Variants in ST3GAL1 observed in about 807,000 individuals in gnomAD.
ST3GAL1 encodes the protein ST3 beta-galactoside alpha-2,3-sialyltransferase 1.
A neutral mutation model predicts 34.1 loss-of-function variants in ST3GAL1; 16 were observed. That is an observed-to-expected ratio of 0.47 (90% CI 0.32 to 0.71). The LOEUF is 0.71. Ranked by LOEUF, ST3GAL1 falls within the 30% of genes least tolerant of loss-of-function variation. ST3GAL1 has a pLI of 0.04. For missense variants in ST3GAL1, 353 were observed against 447.4 expected, an observed-to-expected ratio of 0.79 and a Z score of 1.90; for synonymous variants, 191 against 184.7, an observed-to-expected ratio of 1.03 and a Z score of -0.28.
At chr8:133,504,227 C>A (rs895893113) in intron 2 of ST3GAL1, among the ~76,000 whole-genome samples, 26 of 152,190 alleles carry the variant, frequency 1.7e-4, no homozygotes, top group African/African-American at 5.8e-4. Flanking sequence ...ATGGAGCCAG[C>A]CAGCCTCAGA....
chr8:133,467,723 G>C lies in ST3GAL1; in HGVS notation c.307-1633C>G, dbSNP rs1343342134. ...GGAAGGAGTGGCCAGCAGTGGCTTT[G>C]GCCACTGTCCAGAAGATGAGTGACC... On this transcript the variant is annotated intron_variant, in intron 5 of 9. Coordinates refer to ENST00000522652, the MANE Select transcript of ST3GAL1 (RefSeq NM_173344.3). This position sits in a 1 kb window ranked among gnomAD's most constrained non-coding sequence, Gnocchi z 4.2. 1.3e-5 allele frequency among the ~76,000 whole-genome samples: 2 copies of C among 152,152 alleles called. No homozygotes were observed. The highest frequency in any genetic ancestry group is 4.8e-5 in the African/African-American group (2 of 41,438).
intron 1 of ST3GAL1, among the ~76,000 whole-genome samples, chr8:133,557,013 A>T (rs1339244846): frequency 6.6e-6 from 1 of 152,156 alleles, no homozygotes; most frequent in African/African-American, 2.4e-5. Context: ...CAACCCCCCA[A>T]CCTGACCCTC....
At chr8:133,495,933 G>A (rs572685935) in intron 3 of ST3GAL1, among the ~76,000 whole-genome samples, 5 of 152,330 alleles carry the variant, frequency 3.3e-5, no homozygotes, top group South Asian at 4.1e-4. Flanking sequence ...GAGGGCACAC[G>A]CTGTGTCTTA....
At chr8:133,523,121 G>A (rs896335353) in intron 2 of ST3GAL1, among the ~76,000 whole-genome samples, 6 of 151,710 alleles carry the variant, frequency 4.0e-5, no homozygotes, top group Non-Finnish European at 7.4e-5. Context: ...GGGCCCTGGC[G>A]AGCAGCAAGG....
At chr8:133,493,234 A>T (rs1248674280) in intron 3 of ST3GAL1, among the ~76,000 whole-genome samples, 1 of 152,232 alleles carries the variant, frequency 6.6e-6, no homozygotes, top group Non-Finnish European at 1.5e-5. Flanking sequence ...TCAACTTTAA[A>T]ACACACAAGT....
intron 2 of ST3GAL1, among the ~76,000 whole-genome samples, chr8:133,518,690 G>T (rs556332244): frequency 2.4e-4 from 36 of 152,314 alleles, no homozygotes; most frequent in Middle Eastern, 3.4e-3. Flanking sequence ...GACAAGCAAG[G>T]ACTGCAAGGA....
At chr8:133,564,208 T>TC (rs1238487270) in intron 1 of ST3GAL1, among the ~76,000 whole-genome samples, 3 of 152,160 alleles carry the variant, frequency 2.0e-5, no homozygotes, top group African/African-American at 7.2e-5. Context: ...TGTCAACTGG[T>TC]ATGATCATGA....
Position 133,508,871 on chromosome 8 carries a change from A to G in ST3GAL1, c.-428-9682T>C, listed in dbSNP as rs1239590331. Among the ~76,000 whole-genome samples, 1 of 152,088 alleles carries G rather than the reference A, an allele frequency of 6.6e-6. No homozygotes were observed. The highest frequency in any genetic ancestry group is 1.5e-5 in the Non-Finnish European group (1 of 68,020). On this transcript the variant is annotated intron_variant, in intron 2 of 9. Transcript: ENST00000522652. The surrounding 1 kb of genome is among the most constrained non-coding windows in gnomAD (Gnocchi z 4.1). The stretch of plus-strand genomic sequence containing the variant: ...TTGCACAAAACCCCATAAGACTTAG[A>G]GGCAAGCAGAAATGACGCAAGTATG...
chr8:133,476,276 A>C lies in ST3GAL1; in HGVS notation c.-51+2T>G, dbSNP rs1586597086. On this transcript the variant is annotated splice_donor_variant, in intron 4 of 9. Transcript: ENST00000522652. LOFTEE classifies it low-confidence loss of function (5UTR_SPLICE). ...ATGTTGGCTTTGCTTGCATATATTT[A>C]CCTTTTCAGAAAATAAAGTAGCCTA... 2 of 414,418 alleles carry C rather than the reference A, an allele frequency of 4.8e-6. No individual in the cohort carries two copies. Among genetic ancestry groups the C allele is most frequent in the Non-Finnish European group, 4.3e-6 (1 of 233,378 alleles). 25.7% of individuals were successfully genotyped at this position (414,418 alleles called of 1,614,324 possible).
chr8:133,491,863 C>T (rs1017318080), intron 3 of ST3GAL1, among the ~76,000 whole-genome samples: 1 of 152,180 alleles, frequency 6.6e-6, no homozygotes, highest in Non-Finnish European at 1.5e-5. Flanking sequence ...CTGGCCCAGG[C>T]TCAGCCCCAC....
intron 6 of ST3GAL1, chr8:133,465,495 G>A (rs1410021781): frequency 1.1e-5 from 2 of 174,422 alleles, no homozygotes; most frequent in African/African-American, 4.7e-5. Flanking sequence ...TGAAATGTCT[G>A]TTTCACTTGG....
chr8:133,471,337 A>C (rs1423685400), intron 5 of ST3GAL1, among the ~76,000 whole-genome samples: 1 of 72,258 alleles, frequency 1.4e-5, no homozygotes, highest in Non-Finnish European at 2.5e-5. Flanking sequence ...TGTGGGGTGG[A>C]CAGGTGGGGT....
chr8:133,510,852 G>A (rs1031796470), intron 2 of ST3GAL1, among the ~76,000 whole-genome samples: 4 of 152,214 alleles, frequency 2.6e-5, no homozygotes, highest in African/African-American at 7.2e-5. Flanking sequence ...GAGAACAGCA[G>A]AGACTCGGAG....
chr8:133,560,810 T>C (rs1242071131), intron 1 of ST3GAL1, among the ~76,000 whole-genome samples: 1 of 152,210 alleles, frequency 6.6e-6, no homozygotes, highest in Non-Finnish European at 1.5e-5. Context: ...ACTTTCGAGC[T>C]AAGTGACCTC....
At position 133,470,862 on chromosome 8, in the gene ST3GAL1, C is replaced by G. The variant is rs535087135; in HGVS notation, c.307-4772G>C. The stretch of plus-strand genomic sequence containing the variant: ...TGGAGCCCTGGGTGCCTCACCTCAC[C>G]CTGCACTCGGGCATGATCCACAGGA... On this transcript the variant is annotated intron_variant, in intron 5 of 9. Coordinates refer to ENST00000522652, the MANE Select transcript of ST3GAL1 (RefSeq NM_173344.3). Among the ~76,000 whole-genome samples, 6 of 152,250 alleles carry G rather than the reference C, an allele frequency of 3.9e-5. No homozygotes were observed. In the South Asian group the frequency reaches 8.3e-4, roughly 21 times the overall value.
At chr8:133,464,561 CA>C (rs1815652720) in intron 7 of ST3GAL1, among the ~76,000 whole-genome samples, 1 of 152,180 alleles carries the variant, frequency 6.6e-6, no homozygotes, top group African/African-American at 2.4e-5. Flanking sequence ...GAATTGTTAG[CA>C]AGAGGACACT....
chr8:133,524,906 G>A (rs964569111), intron 2 of ST3GAL1, among the ~76,000 whole-genome samples: 1 of 152,274 alleles, frequency 6.6e-6, no homozygotes, highest in Non-Finnish European at 1.5e-5. Flanking sequence ...CCCAAAGAAG[G>A]TGTCACAGCC....
At chr8:133,540,922 T>TATATATAGACAC (rs1563734216) in intron 2 of ST3GAL1, among the ~76,000 whole-genome samples, 2 of 37,732 alleles carry the variant, frequency 5.3e-5, no homozygotes, top group Admixed American at 2.6e-4. Context: ...TATATAGACA[T>TATATATAGACAC]ATATATATAG....
chr8:133,551,546 GAA>G (rs1399708576), intron 1 of ST3GAL1, among the ~76,000 whole-genome samples: 3 of 9,102 alleles, frequency 3.3e-4, no homozygotes, highest in Non-Finnish European at 5.0e-4. Context: ...GAGAAGGAAA[GAA>G]AGAAAGAAAG....
Sources: allele counts gnomAD v4.1 joint callset (sites outside exome capture counted in the v4.1 genomes callset), GRCh38; gene constraint gnomAD v4.1.1; non-coding constraint Gnocchi (gnomAD v3.1); transcripts MANE v1.5; gene names NCBI Gene and HGNC (gene_info 2026-07-23, HGNC 2026-07-21).